BRD10: variants seen among roughly 807,000 people sequenced by gnomAD.
The protein encoded by BRD10 is uncharacterized bromodomain-containing protein 10.
At chr9:6,004,599 T>C in the BRD10 span, among the ~76,000 whole-genome samples, 2 of 152,242 alleles carry the variant, frequency 1.3e-5, no homozygotes, top group Non-Finnish European at 2.9e-5. Context: ...TTTAGTGTCT[T>C]ACAAATATAT....
the BRD10 span, among the ~76,000 whole-genome samples, chr9:6,003,144 C>T: frequency 5.9e-5 from 9 of 152,222 alleles, no homozygotes; most frequent in African/African-American, 1.9e-4. Context: ...ATAATTTTAA[C>T]AAAGCTATAC....
At chr9:5,946,523 A>T in the BRD10 span, among the ~76,000 whole-genome samples, 60 of 152,142 alleles carry the variant, frequency 3.9e-4, no homozygotes, top group African/African-American at 1.4e-3. Context: ...ACTTGGAACA[A>T]TGTTGTCCCT....
At chr9:5,988,293 G>T in the BRD10 span, 1 of 1,350,616 alleles carries the variant, frequency 7.4e-7, no homozygotes. Context: ...ATCTGATATG[G>T]GCACATAAAA....
the BRD10 span, among the ~76,000 whole-genome samples, chr9:5,885,844 G>A: frequency 6.6e-6 from 1 of 152,210 alleles, no homozygotes; most frequent in Non-Finnish European, 1.5e-5. Context: ...TGAGGACTCA[G>A]TAGTGACTGG....
At chr9:5,926,760 T>C in the BRD10 span, among the ~76,000 whole-genome samples, 2 of 152,160 alleles carry the variant, frequency 1.3e-5, no homozygotes, top group Admixed American at 1.3e-4. Flanking sequence ...CTTGATCTCC[T>C]GACCTCGTGA....
the BRD10 span, among the ~76,000 whole-genome samples, chr9:5,942,801 A>C: frequency 3.9e-5 from 6 of 152,242 alleles, no homozygotes; most frequent in Non-Finnish European, 8.8e-5. Context: ...CAAATCAACT[A>C]AACCCTAGGG....
At chr9:6,006,837 T>C in the BRD10 span, among the ~76,000 whole-genome samples, 5 of 152,354 alleles carry the variant, frequency 3.3e-5, no homozygotes, top group African/African-American at 1.2e-4. Flanking sequence ...TTAAATGTCA[T>C]GCTAAAACTG....
At chr9:5,976,669 A>C in the BRD10 span, among the ~76,000 whole-genome samples, 1 of 152,178 alleles carries the variant, frequency 6.6e-6, no homozygotes, top group African/African-American at 2.4e-5. Flanking sequence ...TTCAAAATTA[A>C]ATGTGACACT....
chr9:5,991,485 G>A, the BRD10 span, among the ~76,000 whole-genome samples: 4 of 152,184 alleles, frequency 2.6e-5, no homozygotes, highest in African/African-American at 9.6e-5. Context: ...CACACTGGGA[G>A]GCCAAGGCAG....
the BRD10 span, among the ~76,000 whole-genome samples, chr9:6,000,772 G>A: frequency 1.3e-5 from 2 of 151,982 alleles, no homozygotes; most frequent in East Asian, 3.9e-4. Flanking sequence ...AAGCATTTCA[G>A]CTTTTAATAT....
the BRD10 span, among the ~76,000 whole-genome samples, chr9:5,897,244 C>A: frequency 9.2e-5 from 14 of 152,280 alleles, no homozygotes; most frequent in East Asian, 2.7e-3. Flanking sequence ...AATTTAGCCC[C>A]AATAAATACA....
chr9:5,920,295 G>A, the BRD10 span: 42 of 1,613,818 alleles, frequency 2.6e-5, no homozygotes, highest in Non-Finnish European at 3.6e-5. Context: ...AGACCTTGTG[G>A]TGGAACAATA....
chr9:6,008,032 C>T, the BRD10 span: 1 of 1,165,180 alleles, frequency 8.6e-7, no homozygotes, highest in South Asian at 4.0e-5. Context: ...GCCCTCCTCT[C>T]CCCTCCCCCC....
At chr9:5,988,420 G>A in the BRD10 span, 1 of 1,613,678 alleles carries the variant, frequency 6.2e-7, no homozygotes, top group Non-Finnish European at 8.5e-7. Context: ...AACTCCACTT[G>A]TCAAGCCTGC....
At chr9:5,929,025 A>T in the BRD10 span, 5 of 1,303,924 alleles carry the variant, frequency 3.8e-6, no homozygotes, top group Admixed American at 7.3e-5. Context: ...AGTAAAACAG[A>T]TTATAACATT....
At chr9:5,919,314 T>C in the BRD10 span, 2 of 164,874 alleles carry the variant, frequency 1.2e-5, no homozygotes, top group Admixed American at 5.8e-5. Flanking sequence ...ATCATAGATA[T>C]GCTGCAACAG....
chr9:5,904,067 A>G, the BRD10 span, among the ~76,000 whole-genome samples: 1 of 152,170 alleles, frequency 6.6e-6, no homozygotes, highest in Non-Finnish European at 1.5e-5. Flanking sequence ...CATGTTGCCC[A>G]GGCTGGTCTT....
At chr9:5,977,640 G>A in the BRD10 span, among the ~76,000 whole-genome samples, 1 of 152,142 alleles carries the variant, frequency 6.6e-6, no homozygotes, top group East Asian at 1.9e-4. Context: ...GAGGTCAGGA[G>A]ATCGAGACCA....
chr9:5,992,811 T>A, the BRD10 span, among the ~76,000 whole-genome samples: 1 of 152,092 alleles, frequency 6.6e-6, no homozygotes, highest in Non-Finnish European at 1.5e-5. Flanking sequence ...TTAAAATTAT[T>A]ACAATAAGTC....
Sources: allele counts gnomAD v4.1 joint callset (sites outside exome capture counted in the v4.1 genomes callset), GRCh38; gene constraint gnomAD v4.1.1; transcripts MANE v1.5; gene names NCBI Gene and HGNC (gene_info 2026-07-23, HGNC 2026-07-21).